Variants in BPIFB1 observed in about 807,000 individuals in gnomAD.
The protein encoded by BPIFB1 is BPI fold containing family B member 1.
In BPIFB1, 34 loss-of-function variants were observed where a neutral mutation model predicts 55.1. The ratio of observed to expected loss-of-function variants is 0.62; its 90% CI spans 0.47 to 0.82. BPIFB1 has a LOEUF of 0.82. Ranked by LOEUF, BPIFB1 falls within the 40% of genes least tolerant of loss-of-function variation. BPIFB1 has a pLI of 0.00. For synonymous variants in BPIFB1, 236 were observed against 245.3 expected, an observed-to-expected ratio of 0.96 and a Z score of 0.35; for missense variants, 532 against 593.1, an observed-to-expected ratio of 0.90 and a Z score of 1.07.
chr20:33,293,078 G>A (rs957752915), intron 6 of BPIFB1, among the ~76,000 whole-genome samples: 45 of 152,180 alleles, frequency 3.0e-4, no homozygotes, highest in African/African-American at 1.1e-3. Context: ...AGCACCACCA[G>A]GCATGGCTAG....
chr20:33,302,301 A>G (rs1224534112), intron 9 of BPIFB1, 58 bp from the exon 10 acceptor site: 2 of 1,557,978 alleles, frequency 1.3e-6, no homozygotes, highest in Non-Finnish European at 1.8e-6. Flanking sequence ...AGTGGGGTGC[A>G]GGAGATGTGC....
chr20:33,294,735 A>T (rs1475382260), intron 6 of BPIFB1, among the ~76,000 whole-genome samples: 3 of 152,268 alleles, frequency 2.0e-5, no homozygotes, highest in Non-Finnish European at 4.4e-5. Flanking sequence ...CTCCTTGCAT[A>T]GTATCTGTCT....
intron 14 of BPIFB1, chr20:33,306,603 A>G (rs1460703800): frequency 7.9e-6 from 3 of 380,344 alleles, no homozygotes; most frequent in Non-Finnish European, 1.4e-5. Context: ...ATTTTATTAG[A>G]CTGGAAAAAT....
intron 7 of BPIFB1, chr20:33,299,229 T>G (rs1429747300): frequency 6.6e-6 from 3 of 453,394 alleles, no homozygotes; most frequent in Non-Finnish European, 1.3e-5. Context: ...CCTGGAGCGG[T>G]AGGCGGCCGG....
Position 33,306,952 on chromosome 20 carries a change from T to C in BPIFB1, c.1360T>C (p.Leu454=), listed in dbSNP as rs147471435. 20 of 1,614,194 alleles carry C rather than the reference T, an allele frequency of 1.2e-5. No homozygotes were observed. The highest frequency in any genetic ancestry group is 1.7e-5 in the Non-Finnish European group (20 of 1,179,998). The part of the protein sequence containing the change: ...SGVPVSLVKA[L]GFEAAESSLT... ...GGTCCCAGTGTCATTGGTGAAGGCC[T>C]TGGGATTCGAGGCAGCTGAGTCCTC... Residue 454 remains leucine, a synonymous_variant, in exon 15 of 16, where the codon TTG becomes CTG. Transcript: ENST00000253354.
chr20:33,289,393 A>C (rs1034541886), intron 3 of BPIFB1, among the ~76,000 whole-genome samples: 12 of 149,194 alleles, frequency 8.0e-5, no homozygotes, highest in Admixed American at 2.7e-4. Context: ...AAAAAAAAAA[A>C]ACAAAAAAAA....
chr20:33,286,918 C>T (rs74649434), intron 2 of BPIFB1, among the ~76,000 whole-genome samples: 6,542 of 152,248 alleles, frequency 0.043, 158 homozygotes, highest in Non-Finnish European at 0.056. Context: ...AAGTCTCATC[C>T]CCTTAGAGGG....
intron 4 of BPIFB1, among the ~76,000 whole-genome samples, chr20:33,290,485 T>C (rs569997256): frequency 1.1e-4 from 16 of 152,202 alleles, no homozygotes; most frequent in African/African-American, 3.9e-4. Flanking sequence ...TTGATTGGAT[T>C]CTGGATATGT....
intron 6 of BPIFB1, among the ~76,000 whole-genome samples, chr20:33,294,159 G>A (rs1600664687): frequency 6.6e-6 from 1 of 152,082 alleles, no homozygotes; most frequent in Non-Finnish European, 1.5e-5. Context: ...ATATTAAAGA[G>A]GCCAGGGAAA....
At chr20:33,291,660 C>T (rs1015662554) in intron 5 of BPIFB1, among the ~76,000 whole-genome samples, 1 of 152,176 alleles carries the variant, frequency 6.6e-6, no homozygotes, top group Non-Finnish European at 1.5e-5. Context: ...GGGAGAAATG[C>T]CAGCTCCCAT....
Position 33,304,017 on chromosome 20 carries a change from T to G in BPIFB1, c.1200T>G (p.Asn400Lys). The change falls in exon 12 of 16, where the codon AAT becomes AAG. Residue 400 changes from asparagine to lysine, a missense_variant. Asn to Lys is a moderately conservative substitution (Grantham distance 94). Transcript: ENST00000253354. ...GTGACCAACTTATACTCAACTTGAA[T>G]AACATCAGGTAAACACACAAATCAT... ...TKGDQLILNLNNISSDRIQLM... is the reference protein window; with the variant it reads ...TKGDQLILNLKNISSDRIQLM... The G allele has an allele frequency of 3.1e-6, 5 of 1,612,592 alleles. No homozygotes were observed. The highest frequency in any genetic ancestry group is 1.7e-6 in the Non-Finnish European group (2 of 1,179,460).
chr20:33,287,032 G>A (rs556640938), intron 2 of BPIFB1, among the ~76,000 whole-genome samples: 1 of 152,352 alleles, frequency 6.6e-6, no homozygotes, highest in African/African-American at 2.4e-5. Flanking sequence ...GCAGGGGCAG[G>A]TCCTGTGGGA....
At chr20:33,303,831 T>C in intron 11 of BPIFB1, 127 bp from the exon 12 acceptor site, 1 of 886,730 alleles carries the variant, frequency 1.1e-6, no homozygotes, top group Non-Finnish European at 1.8e-6. Flanking sequence ...CCCAGAGAGG[T>C]CAAACCCTTT....
intron 7 of BPIFB1, chr20:33,299,159 G>A (rs1402724194): frequency 2.2e-6 from 1 of 456,718 alleles, no homozygotes; most frequent in South Asian, 1.5e-5. Context: ...AAGGTCACTG[G>A]GGCTCAAACC....
intron 6 of BPIFB1, among the ~76,000 whole-genome samples, chr20:33,295,044 G>T (rs1216761730): frequency 2.1e-5 from 3 of 141,974 alleles, no homozygotes; most frequent in Admixed American, 1.4e-4. Context: ...ACGAAACCCC[G>T]TCTCTACTAA....
chr20:33,295,147 G>A (rs143099611), intron 6 of BPIFB1, among the ~76,000 whole-genome samples: 1,758 of 152,098 alleles, frequency 0.012, 37 homozygotes, highest in African/African-American at 0.04. Context: ...CCCAAGAGGC[G>A]GAGGTTGCAG....
chr20:33,308,386 A>G (rs1346595524), intron 15 of BPIFB1, among the ~76,000 whole-genome samples: 1 of 152,142 alleles, frequency 6.6e-6, no homozygotes, highest in Non-Finnish European at 1.5e-5. Context: ...GAGGCCCAGG[A>G]TCTGAGGCAA....
chr20:33,297,453 C>T (rs1202545726), intron 6 of BPIFB1, 72 bp from the exon 7 acceptor site: 1 of 1,545,066 alleles, frequency 6.5e-7, no homozygotes. Flanking sequence ...GTGGGCTGGG[C>T]ACAGCCCGGG....
At chr20:33,283,669 G>T (rs1600659071) in intron 1 of BPIFB1, among the ~76,000 whole-genome samples, 1 of 152,104 alleles carries the variant, frequency 6.6e-6, no homozygotes, top group Admixed American at 6.5e-5. Context: ...GTCAAAGAAG[G>T]GATCCTGGAA....
Sources: allele counts gnomAD v4.1 joint callset (sites outside exome capture counted in the v4.1 genomes callset), GRCh38; gene constraint gnomAD v4.1.1; transcripts MANE v1.5; gene names NCBI Gene and HGNC (gene_info 2026-07-23, HGNC 2026-07-21).